The following RBBP8 variants were observed in gnomAD, a reference collection of about 807,000 sequenced individuals.
RBBP8 encodes RB binding protein 8, endonuclease, also known as DNA endonuclease RBBP8.
Under a neutral mutation model 108.3 loss-of-function variants are expected in RBBP8, and 88 were observed. That is an observed-to-expected ratio of 0.81 (90% CI 0.68 to 0.97). RBBP8 has a LOEUF of 0.97. Among genes scored for constraint, RBBP8 ranks in the 50% least tolerant of loss-of-function variants. The pLI is 0.00. For missense variants in RBBP8, 1,023 were observed against 1,049.0 expected (o/e 0.98, Z 0.34); for synonymous variants, 332 against 348.2 (o/e 0.95, Z 0.52).
chr18:22,989,830 G>C (rs1275979469), intron 9 of RBBP8, among the ~76,000 whole-genome samples: 1 of 151,868 alleles, frequency 6.6e-6, no homozygotes, highest in East Asian at 1.9e-4. Flanking sequence ...ATACCATTAT[G>C]CCTAGCTAAT....
chr18:22,975,461 A>G (rs1174438344), intron 6 of RBBP8, among the ~76,000 whole-genome samples: 3 of 152,200 alleles, frequency 2.0e-5, no homozygotes, highest in Non-Finnish European at 2.9e-5. Flanking sequence ...ATGATTTATT[A>G]TAAATAATAC....
At chr18:22,954,769 C>G (rs979227503) in intron 4 of RBBP8, among the ~76,000 whole-genome samples, 1 of 152,260 alleles carries the variant, frequency 6.6e-6, no homozygotes, top group East Asian at 1.9e-4. Flanking sequence ...AGAAAACTTA[C>G]AATCATGGCG....
At chr18:22,922,870 G>A (rs2144340362) in intron 3 of RBBP8, among the ~76,000 whole-genome samples, 1 of 152,054 alleles carries the variant, frequency 6.6e-6, no homozygotes, top group East Asian at 1.9e-4. Flanking sequence ...AAATCCCTTG[G>A]AATATAATAA....
intron 3 of RBBP8, among the ~76,000 whole-genome samples, chr18:22,917,865 G>C (rs561796592): frequency 2.0e-5 from 3 of 151,930 alleles, no homozygotes; most frequent in Non-Finnish European, 4.4e-5. Context: ...CAGTGTGGTG[G>C]TGCGTGCCTG....
chr18:22,996,906 G>A (rs2045869242), intron 13 of RBBP8, among the ~76,000 whole-genome samples: 2 of 152,128 alleles, frequency 1.3e-5, no homozygotes, highest in Admixed American at 6.6e-5. Flanking sequence ...CTGAGGTTGG[G>A]AGGATACCTT....
chr18:22,922,357 T>A (rs1016898811), intron 3 of RBBP8, among the ~76,000 whole-genome samples: 1 of 152,044 alleles, frequency 6.6e-6, no homozygotes, highest in Non-Finnish European at 1.5e-5. Flanking sequence ...AAGTAGCTAA[T>A]GAACTGAATA....
rs560073410 is a variant in RBBP8 at position 22,946,430 on chromosome 18, T to A, written c.110-14T>A. 1.9e-6 allele frequency: 3 copies of A among 1,612,104 alleles called. No homozygotes were observed. Among genetic ancestry groups the A allele is most frequent in the Non-Finnish European group, 2.5e-6 (3 of 1,178,926 alleles). ...ACTGTTGTAGAAGTAATACCTTTTC[T>A]TTTTACTTTTCAGGTTTACAAGTAA... On this transcript the variant is annotated splice_polypyrimidine_tract_variant and intron_variant, in intron 2 of 18. Transcript: ENST00000327155.
At chr18:22,976,893 G>C (rs551613119) in intron 6 of RBBP8, among the ~76,000 whole-genome samples, 34 of 151,934 alleles carry the variant, frequency 2.2e-4, no homozygotes, top group Non-Finnish European at 4.0e-4. Flanking sequence ...TCATTTGCTT[G>C]GTAGAAATAT....
chr18:23,007,782 TAA>T (rs1342751826), intron 16 of RBBP8, among the ~76,000 whole-genome samples: 3 of 151,032 alleles, frequency 2.0e-5, no homozygotes, highest in Non-Finnish European at 4.4e-5. Flanking sequence ...TTTGAATCTT[TAA>T]AAACAAAACC....
At chr18:23,003,974 G>A (rs993809414) in intron 15 of RBBP8, among the ~76,000 whole-genome samples, 106 of 147,436 alleles carry the variant, frequency 7.2e-4, no homozygotes, top group African/African-American at 2.4e-3. Flanking sequence ...GGAGAATAGC[G>A]TGAACCCGGG....
chr18:22,948,049 T>C (rs1911717449), intron 3 of RBBP8, among the ~76,000 whole-genome samples: 1 of 152,116 alleles, frequency 6.6e-6, no homozygotes, highest in Admixed American at 6.5e-5. Context: ...TATTAACTTT[T>C]CACTCCTTAA....
At chr18:22,944,651 CATTTT>C (rs1308175364) in intron 2 of RBBP8, among the ~76,000 whole-genome samples, 2 of 152,248 alleles carry the variant, frequency 1.3e-5, no homozygotes, top group Admixed American at 1.3e-4. Context: ...TTATTTATAA[CATTTT>C]ATTTATTCAA....
chr18:23,021,333 TG>T (rs2046343195), intron 17 of RBBP8, among the ~76,000 whole-genome samples: 1 of 152,222 alleles, frequency 6.6e-6, no homozygotes, highest in Non-Finnish European at 1.5e-5. Flanking sequence ...GAGAATCACT[TG>T]AACACAGGAG....
At chr18:22,917,270 T>C (rs1461171216) in intron 3 of RBBP8, among the ~76,000 whole-genome samples, 2 of 152,230 alleles carry the variant, frequency 1.3e-5, no homozygotes, top group Non-Finnish European at 2.9e-5. Flanking sequence ...ATCGCTTTCA[T>C]TTGTTTCTTA....
At chr18:22,941,917 A>G (rs544021172) in intron 2 of RBBP8, among the ~76,000 whole-genome samples, 2 of 152,304 alleles carry the variant, frequency 1.3e-5, no homozygotes, top group South Asian at 4.1e-4. Flanking sequence ...AAAGGTATTA[A>G]ATGAATAAGT....
Position 23,001,607 on chromosome 18 carries a change from A to G in RBBP8, c.2165A>G (p.Asp722Gly), listed in dbSNP as rs750234883. 5.6e-6 allele frequency: 9 copies of G among 1,614,150 alleles called. No homozygotes were observed. In the East Asian group the frequency reaches 1.6e-4, roughly 28 times the overall value. ...ATAGATGAAGAAAGAAAAATGAATG[A>G]TAGCTTGGAAGATATGTTTGATCGG... Reference protein sequence around the residue: ...KSSNEERKMNDSLEDMFDRTT... With the variant: ...KSSNEERKMNGSLEDMFDRTT... Residue 722 changes from aspartate to glycine, a missense_variant, in exon 15 of 19, where the codon GAT becomes GGT. Physicochemically the swap from Asp to Gly is moderately conservative, Grantham distance 94. Transcript: ENST00000327155.
chr18:22,927,073 T>C (rs1185982241), intron 3 of RBBP8, among the ~76,000 whole-genome samples: 1 of 152,210 alleles, frequency 6.6e-6, no homozygotes, highest in African/African-American at 2.4e-5. Flanking sequence ...CAAGTGTTCA[T>C]TCAAGTTAAC....
At chr18:23,009,617 C>A (rs1452343724) in intron 16 of RBBP8, among the ~76,000 whole-genome samples, 1 of 151,598 alleles carries the variant, frequency 6.6e-6, no homozygotes, top group Non-Finnish European at 1.5e-5. Flanking sequence ...CACGTCTATT[C>A]TTGGCCTCTA....
chr18:22,990,810 G>A (rs915163447), intron 9 of RBBP8, 127 bp from the exon 10 acceptor site: 1 of 676,522 alleles, frequency 1.5e-6, no homozygotes, highest in Non-Finnish European at 2.6e-6. Context: ...ACATTATGTG[G>A]CCTTTGTCTG....
Sources: allele counts gnomAD v4.1 joint callset (sites outside exome capture counted in the v4.1 genomes callset), GRCh38; gene constraint gnomAD v4.1.1; transcripts MANE v1.5; gene names NCBI Gene and HGNC (gene_info 2026-07-23, HGNC 2026-07-21).